The following HAGH variants were observed in gnomAD, a reference collection of about 807,000 sequenced individuals.
The protein encoded by HAGH is hydroxyacylglutathione hydrolase.
Under a neutral mutation model 35.1 loss-of-function variants are expected in HAGH, and 29 were observed. The observed-to-expected ratio is 0.83, with a 90% CI of 0.62 to 1.13. The LOEUF (loss-of-function observed/expected upper bound fraction) is 1.13, where lower values mean the gene tolerates loss of function less well. Among genes scored for constraint, HAGH ranks in the 50% most tolerant of loss-of-function variants. The pLI, the probability that HAGH is intolerant of heterozygous loss-of-function variation, is 0.00. For synonymous variants in HAGH, 225 were observed against 176.1 expected (o/e 1.28, Z -2.20); for missense variants, 478 against 419.6 (o/e 1.14, Z -1.22).
At chr16:1,814,840 G>A (rs1404994467) in intron 7 of HAGH, among the ~76,000 whole-genome samples, 2 of 152,014 alleles carry the variant, frequency 1.3e-5, no homozygotes, top group African/African-American at 4.8e-5. Context: ...AGAGCTTGCA[G>A]TGAGATGAGA....
chr16:1,811,438 C>T (rs1596910670), intron 7 of HAGH, among the ~76,000 whole-genome samples: 1 of 151,758 alleles, frequency 6.6e-6, no homozygotes, highest in South Asian at 2.1e-4. Context: ...ACAGGCCGGG[C>T]GCGGTTGCTC....
intron 1 of HAGH, chr16:1,826,405 G>C (rs947333822): frequency 3.4e-6 from 1 of 292,246 alleles, no homozygotes; most frequent in African/African-American, 2.3e-5. Context: ...GCTCTCCTCG[G>C]CGCCGGCCCG....
intron 5 of HAGH, chr16:1,818,811 G>C (rs1250126391): frequency 5.2e-6 from 2 of 381,182 alleles, no homozygotes; most frequent in African/African-American, 4.1e-5. Flanking sequence ...CCAGGGCTGA[G>C]CCACCCCTCG....
intron 7 of HAGH, 161 bp from the exon 8 acceptor site, chr16:1,809,994 T>G: frequency 1.6e-6 from 1 of 614,728 alleles, no homozygotes; most frequent in Admixed American, 2.7e-5. Flanking sequence ...CGAGACCCTG[T>G]GTCTACTAAA....
intron 7 of HAGH, among the ~76,000 whole-genome samples, chr16:1,816,615 G>A (rs1051817685): frequency 6.6e-6 from 1 of 152,252 alleles, no homozygotes; most frequent in Middle Eastern, 3.2e-3. Context: ...GCAGAGCCAC[G>A]TGCTGCCAGC....
chr16:1,819,050 T>C (rs1359354851), intron 5 of HAGH, 65 bp downstream of exon 5: 4 of 1,034,856 alleles, frequency 3.9e-6, no homozygotes, highest in South Asian at 1.3e-5. Flanking sequence ...CCCGTGAGCC[T>C]GCCTGGCAGG....
chr16:1,814,844 G>A (rs994004757), intron 7 of HAGH, among the ~76,000 whole-genome samples: 1 of 151,982 alleles, frequency 6.6e-6, no homozygotes, highest in Admixed American at 6.6e-5. Flanking sequence ...CTTGCAGTGA[G>A]ATGAGATCAC....
rs1384876938 is a variant in HAGH, at chr16:1,822,491, A to G, written c.250-127T>C. 2.3e-5 allele frequency: 17 copies of G among 755,444 alleles called. No homozygotes were observed. In the East Asian group the frequency reaches 4.0e-4, roughly 18 times the overall value. The allele number at this position is 755,444 out of a possible 1,614,324, so 46.8% of individuals were successfully genotyped here. On this transcript the variant is annotated intron_variant, in intron 2 of 8. Coordinates refer to ENST00000397356, the MANE Select transcript of HAGH (RefSeq NM_005326.6). The stretch of plus-strand genomic sequence containing the variant: ...GGGGCCGCTGACATGGCCCGTCCTG[A>G]CCCTGCCAGCTTGCCCTGCTCCAGG...
At chr16:1,818,291 A>G (rs1213223973) in intron 5 of HAGH, among the ~76,000 whole-genome samples, 1 of 152,104 alleles carries the variant, frequency 6.6e-6, no homozygotes, top group African/African-American at 2.4e-5. Flanking sequence ...GGCACCACCC[A>G]GGCTCATCCC....
chr16:1,818,505 G>A (rs1898006091), intron 5 of HAGH: 1 of 152,386 alleles, frequency 6.6e-6, no homozygotes, highest in Admixed American at 6.5e-5. Flanking sequence ...CTCCCACCAG[G>A]AGGCCTCCCA....
chr16:1,817,068 T>A, intron 6 of HAGH, 74 bp from the exon 7 acceptor site: 1 of 1,338,876 alleles, frequency 7.5e-7, no homozygotes, highest in Non-Finnish European at 1.1e-6. Flanking sequence ...GGGACCTGGA[T>A]GCCCCCGGGG....
intron 4 of HAGH, 92 bp downstream of exon 4, chr16:1,819,805 G>A (rs531907033): frequency 4.9e-6 from 4 of 810,528 alleles, no homozygotes; most frequent in Non-Finnish European, 8.7e-6. Context: ...GGGTCACTGG[G>A]GTAAGGGAGC....
chr16:1,826,834 C>G (rs1353143609), upstream of HAGH: 2 of 1,163,508 alleles, frequency 1.7e-6, no homozygotes, highest in Non-Finnish European at 2.2e-6. Flanking sequence ...CTGCAAAACA[C>G]CGGCGTCGGC....
intron 2 of HAGH, 39 bp from the exon 3 acceptor site, chr16:1,822,403 T>C (rs376155995): frequency 2.0e-6 from 3 of 1,496,420 alleles, no homozygotes; most frequent in Non-Finnish European, 2.8e-6. Context: ...CCTGTCACAC[T>C]CCTAGGCCTG....
chr16:1,820,046 G>C, intron 3 of HAGH, 32 bp from the exon 4 acceptor site: 1 of 411,174 alleles, frequency 2.4e-6, no homozygotes, highest in Non-Finnish European at 3.3e-6. Flanking sequence ...TGGGCTGCCT[G>C]CTGAGCTGAG....
chr16:1,825,925 C>G (rs1442262926), intron 1 of HAGH, among the ~76,000 whole-genome samples: 1 of 152,174 alleles, frequency 6.6e-6, no homozygotes, highest in Admixed American at 6.5e-5. Flanking sequence ...TGGGCGGCAC[C>G]AAATACGGGG....
rs1897912205 is a variant in HAGH at position 1,816,818 on chromosome 16, C to T, written c.747+75G>A. The T allele has an allele frequency of 7.7e-6, 7 of 909,094 alleles. No individual in the cohort carries two copies. The South Asian group carries it at 8.0e-5, about 10-fold the overall frequency. 56.3% of individuals were successfully genotyped at this position (909,094 alleles called of 1,614,324 possible). A position where few individuals can be genotyped will look rare whatever the true frequency, so the allele number is the denominator to read the frequency against. ...GGCTCAGAGTGTGAGTGTCTACCCACTCTGGCGACCCCGCTGTGCACAGCG... is the reference window on the plus strand; with the variant it reads ...GGCTCAGAGTGTGAGTGTCTACCCATTCTGGCGACCCCGCTGTGCACAGCG... On this transcript the variant is annotated intron_variant, in intron 7 of 8. Coordinates refer to ENST00000397356, the MANE Select transcript of HAGH (RefSeq NM_005326.6).
chr16:1,821,228 G>A (rs965068027), intron 3 of HAGH, among the ~76,000 whole-genome samples: 3 of 152,178 alleles, frequency 2.0e-5, no homozygotes, highest in Non-Finnish European at 2.9e-5. Context: ...GAAGAGGCTC[G>A]AGGGGCCCAA....
Position 1,816,965 on chromosome 16 carries a change from G to T in HAGH, c.675C>A (p.Ile225=). ...TRVYCGHEYT[I]NNLKFARHVE... Reference sequence around the variant, plus strand: ...CGTGGCGTGCAAACTTGAGGTTGTTGATGGTGTACTCGTGGCCACAGTAGA... The same window carrying T: ...CGTGGCGTGCAAACTTGAGGTTGTTTATGGTGTACTCGTGGCCACAGTAGA... The change falls in exon 7 of 9, where the codon ATC becomes ATA. Residue 225 remains isoleucine, a synonymous_variant. Transcript: ENST00000397356. The T allele has an allele frequency of 6.2e-7, 1 of 1,613,448 alleles. No individual in the cohort carries two copies. The highest frequency in any genetic ancestry group is 1.3e-5 in the African/African-American group (1 of 75,052).
Sources: allele counts gnomAD v4.1 joint callset (sites outside exome capture counted in the v4.1 genomes callset), GRCh38; gene constraint gnomAD v4.1.1; transcripts MANE v1.5; gene names NCBI Gene and HGNC (gene_info 2026-07-23, HGNC 2026-07-21).